MYO7A: variants seen among roughly 807,000 people sequenced by gnomAD.
MYO7A encodes the protein myosin VIIA, also known as unconventional myosin-VIIa.
In MYO7A, 210 loss-of-function variants were observed where a neutral mutation model predicts 263.8. The ratio of observed to expected loss-of-function variants is 0.80; its 90% CI spans 0.71 to 0.89. MYO7A has a LOEUF of 0.89. MYO7A is among the 40% of genes least tolerant of loss of function. MYO7A has a pLI of 0.00. For synonymous variants in MYO7A, 1,239 were observed against 1,197.3 expected, an observed-to-expected ratio of 1.03 and a Z score of -0.72; for missense variants, 2,820 against 2,968.3, an observed-to-expected ratio of 0.95 and a Z score of 1.16.
intron 41 of MYO7A, 57 bp from the exon 42 acceptor site, chr11:77,207,232 G>T: frequency 7.7e-7 from 1 of 1,304,742 alleles, no homozygotes. Flanking sequence ...AGGGGCCCGG[G>T]AGGACCAGGT....
At chr11:77,159,151 A>G (rs1158335156) in intron 9 of MYO7A, among the ~76,000 whole-genome samples, 1 of 152,218 alleles carries the variant, frequency 6.6e-6, no homozygotes, top group Non-Finnish European at 1.5e-5. Flanking sequence ...TGCTGCCAAG[A>G]GCCCTGGGAG....
intron 24 of MYO7A, 98 bp from the exon 25 acceptor site, chr11:77,182,326 A>G (rs1358139092): frequency 6.9e-7 from 1 of 1,451,954 alleles, no homozygotes; most frequent in Non-Finnish European, 9.2e-7. Flanking sequence ...ACCATGCGGG[A>G]GGGGGTGTCT....
intron 2 of MYO7A, among the ~76,000 whole-genome samples, chr11:77,140,217 G>T (rs1412935445): frequency 6.6e-6 from 1 of 152,194 alleles, no homozygotes; most frequent in African/African-American, 2.4e-5. Flanking sequence ...GGATACAGGT[G>T]ACTCAGAGAG....
At position 77,166,126 on chromosome 11, in the gene MYO7A, G is replaced by A; in HGVS notation, c.1761G>A (p.Lys587=). 6.2e-7 allele frequency: 1 copy of A among 1,613,952 alleles called. No individual in the cohort carries two copies. Among genetic ancestry groups the A allele is most frequent in the Non-Finnish European group, 8.5e-7 (1 of 1,179,870 alleles). The change falls in exon 15 of 49, where the codon AAG becomes AAA. Residue 587 remains lysine, a synonymous_variant. Coordinates refer to ENST00000409709, the MANE Select transcript of MYO7A (RefSeq NM_000260.4). ...AGCTGGTCCACTCCTCCAGGAACAA[G>A]TTCATCAAGCAGATCTTCCAGGCCG... The part of the protein sequence containing the change: ...IIQLVHSSRN[K]FIKQIFQADV...
At chr11:77,213,634 G>A (rs1023014447) in intron 47 of MYO7A, among the ~76,000 whole-genome samples, 4 of 152,106 alleles carry the variant, frequency 2.6e-5, no homozygotes, top group African/African-American at 4.8e-5. Flanking sequence ...CCCAATTTCC[G>A]AGTTCTGGCC....
Position 77,179,798 on chromosome 11 carries a change from C to T in MYO7A, c.2431C>T (p.Arg811Cys), listed in dbSNP as rs782276809. 8.1e-5 allele frequency: 125 copies of T among 1,548,696 alleles called. No individual in the cohort carries two copies. The highest frequency in any genetic ancestry group is 9.7e-5 in the Non-Finnish European group (111 of 1,149,086). The change falls in exon 21 of 49, where the codon CGC becomes TGC. Residue 811 changes from arginine (R) to cysteine (C), a missense_variant. Physicochemically the swap from Arg to Cys is radical, Grantham distance 180. Transcript: ENST00000409709. ...CTCCCGGAAGCTGCACCAGCAGTAC[C>T]GCCTGGCCCGCCAGCGCATCATCCA... ...HRSRKLHQQY[R>C]LARQRIIQFQ...
chr11:77,186,789 T>A (rs914806463), intron 27 of MYO7A, among the ~76,000 whole-genome samples: 1 of 152,236 alleles, frequency 6.6e-6, no homozygotes, highest in Non-Finnish European at 1.5e-5. Flanking sequence ...ATTTTTGATG[T>A]CCTTCAGGAA....
chr11:77,171,683 A>G (rs1555076069), intron 15 of MYO7A, among the ~76,000 whole-genome samples: 2 of 152,222 alleles, frequency 1.3e-5, no homozygotes, highest in African/African-American at 4.8e-5. Context: ...AAATATAAAA[A>G]TCTTGCAATA....
At position 77,130,890 on chromosome 11, in the gene MYO7A, C is replaced by T. The variant is rs535142071; in HGVS notation, c.18+238C>T. ...GGGCAGAAATGAGTTTATTTACACA[C>T]ATCTCTGGATCCCAGGCAGTGGAAC... On this transcript the variant is annotated intron_variant, in intron 2 of 48. Coordinates refer to ENST00000409709, the MANE Select transcript of MYO7A (RefSeq NM_000260.4). Among the ~76,000 whole-genome samples, 4 of 152,350 alleles carry T rather than the reference C, an allele frequency of 2.6e-5. No individual in the cohort carries two copies. In the East Asian group the frequency reaches 7.7e-4, roughly 29 times the overall value.
intron 31 of MYO7A, among the ~76,000 whole-genome samples, chr11:77,193,840 G>T (rs1292540232): frequency 2.0e-5 from 3 of 152,186 alleles, no homozygotes; most frequent in Non-Finnish European, 4.4e-5. Flanking sequence ...TGAACCCTCT[G>T]CAGTAGATCC....
At position 77,192,920 on chromosome 11, in the gene MYO7A, G is replaced by C. The variant is rs61900012; in HGVS notation, c.4152+642G>C. Among the ~76,000 whole-genome samples the C allele has an allele frequency of 5.3e-4, 2 of 3,750 alleles. 1 individual carries two copies. The highest frequency in any genetic ancestry group is 0.016 in the East Asian group (2 of 126). 2.5% of individuals were successfully genotyped at this position (3,750 alleles called of 152,430 possible). A position where few individuals can be genotyped will look rare whatever the true frequency, so the allele number is the denominator to read the frequency against. ...ATGGTGTTGGTGATGGTGGAGGGTA[G>C]TGATGGTGTTGTTTGTGATGGTGGA... On this transcript the variant is annotated intron_variant, in intron 31 of 48. Transcript: ENST00000409709.
intron 27 of MYO7A, among the ~76,000 whole-genome samples, chr11:77,185,198 T>C (rs1223952685): frequency 1.3e-5 from 2 of 152,214 alleles, no homozygotes; most frequent in Non-Finnish European, 2.9e-5. Context: ...AGAGTGGTGG[T>C]TGCTGAAGGT....
At chr11:77,200,604 T>C (rs1369949961) in intron 35 of MYO7A, among the ~76,000 whole-genome samples, 1 of 152,190 alleles carries the variant, frequency 6.6e-6, no homozygotes, top group Non-Finnish European at 1.5e-5. Context: ...CTAAACCATA[T>C]CACAGACCAT....
chr11:77,154,656 T>A (rs1179846613), intron 4 of MYO7A, among the ~76,000 whole-genome samples: 5 of 132,754 alleles, frequency 3.8e-5, no homozygotes, highest in Non-Finnish European at 6.3e-5. Context: ...CCTGCTTGGC[T>A]CTTGTGGTAC....
chr11:77,167,192 A>G (rs1311538108), intron 15 of MYO7A, among the ~76,000 whole-genome samples: 2 of 152,018 alleles, frequency 1.3e-5, no homozygotes, highest in African/African-American at 2.4e-5. Flanking sequence ...TGCTGCAGGC[A>G]TTTCTTTCTT....
At chr11:77,169,514 A>G (rs535596862) in intron 15 of MYO7A, among the ~76,000 whole-genome samples, 1 of 152,276 alleles carries the variant, frequency 6.6e-6, no homozygotes, top group South Asian at 2.1e-4. Flanking sequence ...TCTGGGGAGC[A>G]TTTGACATTG....
intron 15 of MYO7A, among the ~76,000 whole-genome samples, chr11:77,171,840 G>A (rs1246977505): frequency 6.6e-6 from 1 of 152,218 alleles, no homozygotes; most frequent in African/African-American, 2.4e-5. Context: ...TTTGTTTGCG[G>A]CTCAGGGCTT....
intron 2 of MYO7A, among the ~76,000 whole-genome samples, chr11:77,134,962 T>C (rs2135544551): frequency 6.6e-6 from 1 of 152,136 alleles, no homozygotes; most frequent in East Asian, 1.9e-4. Context: ...TTTCTGTATT[T>C]TTAGTAGAGA....
intron 27 of MYO7A, 25 bp downstream of exon 27, chr11:77,184,740 C>T (rs1955536157): frequency 4.2e-6 from 2 of 476,232 alleles, no homozygotes; most frequent in Non-Finnish European, 6.2e-6. Flanking sequence ...GCGGGGACAC[C>T]AGGGCCTGAA....
Sources: gnomAD v4.1 joint callset for allele counts (sites outside exome capture counted in the v4.1 genomes callset) on GRCh38, gnomAD v4.1.1 for gene constraint, MANE v1.5 for transcripts, NCBI Gene and HGNC (gene_info 2026-07-23, HGNC 2026-07-21) for gene names.